The following LAMA3 variants were observed in gnomAD, a reference collection of about 807,000 sequenced individuals.
LAMA3 encodes laminin subunit alpha 3.
In LAMA3, 281 loss-of-function variants were observed where a neutral mutation model predicts 402.0. That is an observed-to-expected ratio of 0.70 (90% CI 0.63 to 0.77). LAMA3 has a LOEUF of 0.77. Among genes scored for constraint, LAMA3 ranks in the 30% least tolerant of loss-of-function variants. LAMA3 has a pLI of 0.00. For missense variants in LAMA3, 3,840 were observed against 4,215.5 expected, an observed-to-expected ratio of 0.91 and a Z score of 2.47; for synonymous variants, 1,431 against 1,558.4, an observed-to-expected ratio of 0.92 and a Z score of 1.93.
At chr18:23,886,457 A>C (rs1181378747) in intron 41 of LAMA3, among the ~76,000 whole-genome samples, 1 of 152,130 alleles carries the variant, frequency 6.6e-6, no homozygotes, top group Non-Finnish European at 1.5e-5. Context: ...CCTGGGCAGC[A>C]TAGAGAGACC....
Position 23,933,902 on chromosome 18 carries a change from G to A in LAMA3, c.8829G>A (p.Arg2943=), listed in dbSNP as rs141472847. The change falls in exon 67 of 75, where the codon AGG becomes AGA. Residue 2943 remains arginine, a synonymous_variant. Transcript: ENST00000313654. ...PFLMLLKGST[R]FNKTKTFRIN... is the part of the protein sequence containing the mutation. Reference sequence around the variant, plus strand: ...TAATGTTGCTTAAAGGTTCTACCAGGTTTAACAAGACCAAGACTTTTCGTA... The same window carrying A: ...TAATGTTGCTTAAAGGTTCTACCAGATTTAACAAGACCAAGACTTTTCGTA... The A allele has an allele frequency of 8.9e-4, 1,440 of 1,614,130 alleles. 5 individuals carry two copies. The highest frequency in any genetic ancestry group is 9.5e-4 in the Non-Finnish European group (1,122 of 1,180,016).
Position 23,777,690 on chromosome 18 carries a change from T to A in LAMA3, c.1468+71T>A, listed in dbSNP as rs1288439514. 3 of 1,155,838 alleles carry A rather than the reference T, an allele frequency of 2.6e-6. No homozygotes were observed. The African/African-American group carries it at 4.5e-5, about 18-fold the overall frequency. The allele number at this position is 1,155,838 out of a possible 1,614,324, so 71.6% of individuals were successfully genotyped here. On this transcript the variant is annotated intron_variant, in intron 11 of 74. Coordinates refer to ENST00000313654, the MANE Select transcript of LAMA3 (RefSeq NM_198129.4). ...CCTTATTCTTTTCCTACTTCCTGTG[T>A]GCACTGCCACATCCAAGGCCAAGTC...
At chr18:23,708,937 A>T (rs1317866835) in intron 1 of LAMA3, among the ~76,000 whole-genome samples, 1 of 150,552 alleles carries the variant, frequency 6.6e-6, no homozygotes, top group African/African-American at 2.4e-5. Context: ...AAAAAAAAAA[A>T]AAAATGTTTT....
chr18:23,946,346 G>T, intron 70 of LAMA3, 62 bp downstream of exon 70: 2 of 1,503,078 alleles, frequency 1.3e-6, no homozygotes, highest in Non-Finnish European at 9.3e-7. Context: ...AGGCATAATT[G>T]TATGAGATAT....
intron 60 of LAMA3, among the ~76,000 whole-genome samples, chr18:23,919,957 TAAAG>T (rs1016959131): frequency 2.0e-5 from 3 of 151,634 alleles, no homozygotes; most frequent in Admixed American, 6.6e-5. Flanking sequence ...TGGGATGACA[TAAAG>T]AGAGAGCTAA....
At chr18:23,800,107 A>G (rs771678731) in intron 12 of LAMA3, among the ~76,000 whole-genome samples, 25 of 152,242 alleles carry the variant, frequency 1.6e-4, no homozygotes, top group Non-Finnish European at 2.8e-4. Flanking sequence ...ATGTAAAATT[A>G]CCCAACACTA....
chr18:23,835,515 A>G (rs927301123), intron 24 of LAMA3, among the ~76,000 whole-genome samples: 1 of 152,220 alleles, frequency 6.6e-6, no homozygotes, highest in African/African-American at 2.4e-5. Context: ...TTGGCTCTGA[A>G]CATGACAACA....
intron 68 of LAMA3, among the ~76,000 whole-genome samples, chr18:23,940,228 C>T (rs865841778): frequency 1.3e-5 from 2 of 152,122 alleles, no homozygotes; most frequent in South Asian, 2.1e-4. Flanking sequence ...GAGGGGAGGG[C>T]GCAGGGAGGA....
chr18:23,907,700 G>T, intron 53 of LAMA3, 34 bp downstream of exon 53: 1 of 1,612,264 alleles, frequency 6.2e-7, no homozygotes, highest in Non-Finnish European at 8.5e-7. Flanking sequence ...TACTCGGTTG[G>T]CTTCTTTTGT....
chr18:23,907,872 G>A lies in LAMA3; in HGVS notation c.6952G>A (p.Asp2318Asn). The A allele has an allele frequency of 6.2e-7, 1 of 1,614,116 alleles. No individual in the cohort carries two copies. The highest frequency in any genetic ancestry group is 8.5e-7 in the Non-Finnish European group (1 of 1,180,020). Residue 2318 changes from aspartate to asparagine, a missense_variant, in exon 54 of 75, where the codon GAC (aspartate) becomes AAC (asparagine). Around this residue, in one of 3 missense-constraint regions of LAMA3, gnomAD observed 891 missense variants for 857.5 expected, o/e 1.04. Coordinates refer to ENST00000313654, the MANE Select transcript of LAMA3 (RefSeq NM_198129.4). ...PIQTDVERIK[D>N]TYGRTQNEDF... ...CCAGACAGATGTGGAAAGAATTAAG[G>A]ACACCTATGGGAGGACACAGAACGA...
intron 41 of LAMA3, among the ~76,000 whole-genome samples, chr18:23,885,463 G>A (rs753493265): frequency 6.6e-6 from 1 of 151,724 alleles, no homozygotes; most frequent in East Asian, 1.9e-4. Flanking sequence ...CACATAATAG[G>A]TGTTCGGTAA....
At chr18:23,861,903 A>G in intron 35 of LAMA3, 96 bp downstream of exon 35, 2 of 1,324,510 alleles carry the variant, frequency 1.5e-6, no homozygotes, top group Non-Finnish European at 2.1e-6. Flanking sequence ...AGCATCCAGC[A>G]GTTCAGGTTA....
chr18:23,743,097 G>T (rs757756418), intron 2 of LAMA3, among the ~76,000 whole-genome samples: 3 of 152,210 alleles, frequency 2.0e-5, no homozygotes, highest in Non-Finnish European at 4.4e-5. Flanking sequence ...TAGTGGGAAT[G>T]ACAGATGAAA....
At position 23,873,189 on chromosome 18, in the gene LAMA3, A is replaced by G. The variant is rs2064588231; in HGVS notation, c.4998+1528A>G. On this transcript the variant is annotated intron_variant, in intron 38 of 74. Transcript: ENST00000313654. ...TCCCGGTCAAAGTCAACTGCAAGCG[A>G]GTTATGTGGAGTTTAGACCCAGCCA... is the stretch of plus-strand genomic sequence containing the variant. The G allele has an allele frequency of 3.7e-6, 6 of 1,614,072 alleles. No individual in the cohort carries two copies. The East Asian group carries it at 1.1e-4, about 30-fold the overall frequency.
At chr18:23,838,267 G>A (rs2063626173) in intron 25 of LAMA3, among the ~76,000 whole-genome samples, 1 of 152,108 alleles carries the variant, frequency 6.6e-6, no homozygotes, top group African/African-American at 2.4e-5. Flanking sequence ...GTTTTTTTGT[G>A]TGACTCAAAA....
chr18:23,909,248 G>A lies in LAMA3; in HGVS notation c.7111G>A (p.Asp2371Asn), dbSNP rs1378277535. The A allele has an allele frequency of 6.2e-7, 1 of 1,613,616 alleles. No homozygotes were observed. Among genetic ancestry groups the A allele is most frequent in the Non-Finnish European group, 8.5e-7 (1 of 1,180,010 alleles). Residue 2371 changes from aspartate to asparagine, a missense_variant, in exon 55 of 75, where the codon GAC becomes AAC. Around this residue, in one of 3 missense-constraint regions of LAMA3, gnomAD observed 891 missense variants for 857.5 expected, o/e 1.04. Transcript: ENST00000313654. ...CTTGGGAAACATCTCTGACAACATGGACAGAATACGAGAACTAATTCAGCA... is the reference window on the plus strand; with the variant it reads ...CTTGGGAAACATCTCTGACAACATGAACAGAATACGAGAACTAATTCAGCA... Reference protein sequence around the residue: ...LPLGNISDNMDRIRELIQQAR... With the variant: ...LPLGNISDNMNRIRELIQQAR...
chr18:23,926,365 A>G (rs2082003607), intron 62 of LAMA3, among the ~76,000 whole-genome samples: 1 of 152,154 alleles, frequency 6.6e-6, no homozygotes, highest in Non-Finnish European at 1.5e-5. Context: ...GTTGTCCAAG[A>G]GATATGTTGA....
intron 12 of LAMA3, among the ~76,000 whole-genome samples, chr18:23,785,772 C>G (rs2062532050): frequency 6.6e-6 from 1 of 152,012 alleles, no homozygotes. Flanking sequence ...TCTTTTTTTC[C>G]TCCTCTCTAC....
intron 65 of LAMA3, among the ~76,000 whole-genome samples, chr18:23,931,945 A>G (rs761071939): frequency 6.6e-5 from 10 of 152,276 alleles, no homozygotes; most frequent in Admixed American, 1.3e-4. Context: ...TCAAAACGCC[A>G]TCTTTGGCAA....
Sources: gnomAD v4.1 joint callset for allele counts (sites outside exome capture counted in the v4.1 genomes callset) on GRCh38, gnomAD v4.1.1 for gene constraint, gnomAD v4.1.1 regional missense constraint, MANE v1.5 for transcripts, NCBI Gene and HGNC (gene_info 2026-07-23, HGNC 2026-07-21) for gene names.